The following CNTNAP5 variants were observed in gnomAD, a reference collection of about 807,000 sequenced individuals.
The protein encoded by CNTNAP5 is contactin-associated protein-like 5.
A neutral mutation model predicts 150.2 loss-of-function variants in CNTNAP5; 72 were observed. The ratio of observed to expected loss-of-function variants is 0.48; its 90% CI spans 0.40 to 0.58. The LOEUF is 0.58. CNTNAP5 is among the 20% of genes least tolerant of loss of function. The pLI is 0.00. For synonymous variants in CNTNAP5, 672 were observed against 619.8 expected (o/e 1.08, Z -1.25); for missense variants, 1,636 against 1,626.2 (o/e 1.01, Z -0.10).
At chr2:124,079,991 A>G (rs1682524883) in intron 1 of CNTNAP5, among the ~76,000 whole-genome samples, 1 of 152,350 alleles carries the variant, frequency 6.6e-6, no homozygotes, top group East Asian at 1.9e-4. Context: ...CTAGCACATT[A>G]GGATTACTCA....
At chr2:124,356,614 T>C (rs1293358891) in intron 3 of CNTNAP5, among the ~76,000 whole-genome samples, 2 of 152,088 alleles carry the variant, frequency 1.3e-5, no homozygotes, top group Non-Finnish European at 2.9e-5. Context: ...AATTCATCCA[T>C]GTCCCTACAA....
chr2:124,105,059 ACCT>A (rs984129619), intron 1 of CNTNAP5, among the ~76,000 whole-genome samples: 12 of 128,060 alleles, frequency 9.4e-5, no homozygotes, highest in African/African-American at 3.2e-4. Flanking sequence ...GCATATAAAG[ACCT>A]CCTCCCTCCT....
chr2:124,477,876 G>A (rs1036959024), intron 7 of CNTNAP5, among the ~76,000 whole-genome samples: 3 of 152,058 alleles, frequency 2.0e-5, no homozygotes, highest in East Asian at 3.9e-4. Flanking sequence ...AAATATTAAA[G>A]GGCATCACTA....
At chr2:124,870,129 T>A (rs1164735594) in intron 21 of CNTNAP5, among the ~76,000 whole-genome samples, 1 of 152,024 alleles carries the variant, frequency 6.6e-6, no homozygotes, top group Non-Finnish European at 1.5e-5. Context: ...TTAAAGGCAT[T>A]GTAATTTCCT....
At chr2:124,087,238 G>A (rs1257565957) in intron 1 of CNTNAP5, among the ~76,000 whole-genome samples, 1 of 151,798 alleles carries the variant, frequency 6.6e-6, no homozygotes, top group Admixed American at 6.6e-5. Flanking sequence ...AAAAACGAAA[G>A]CTTACTGAAT....
chr2:124,653,911 A>ACCCCCCCCCCCC (rs70996088), intron 13 of CNTNAP5, among the ~76,000 whole-genome samples: 13 of 57,492 alleles, frequency 2.3e-4, no homozygotes, highest in Admixed American at 6.4e-4. Flanking sequence ...ACTGCCCCCA[A>ACCCCCCCCCCCC]CCCCCCCCCC....
In CNTNAP5 at chr2:124,604,102, AT is replaced by A. The variant is rs1260705397; in HGVS notation, c.1757-5696del. ...TTTAGAGACAACTCTCTGTGCATTAATTTGCTTCTTGCACTTTCAGTGGTCC... is the reference window on the plus strand; with the variant it reads ...TTTAGAGACAACTCTCTGTGCATTAATTGCTTCTTGCACTTTCAGTGGTCC... On this transcript the variant is annotated intron_variant, in intron 11 of 23. Transcript: ENST00000682447. Among the ~76,000 whole-genome samples the A allele has an allele frequency of 2.0e-5, 3 of 151,986 alleles. No individual in the cohort carries two copies. The East Asian group carries it at 5.8e-4, about 29-fold the overall frequency.
chr2:124,485,164 A>G (rs575375329), intron 7 of CNTNAP5, among the ~76,000 whole-genome samples: 1 of 152,344 alleles, frequency 6.6e-6, no homozygotes, highest in South Asian at 2.1e-4. Flanking sequence ...GGTAACTAAT[A>G]AAACAGGTAA....
At chr2:124,469,322 C>A (rs546482126) in intron 6 of CNTNAP5, among the ~76,000 whole-genome samples, 1 of 152,194 alleles carries the variant, frequency 6.6e-6, no homozygotes, top group African/African-American at 2.4e-5. Flanking sequence ...AGCTTTTTTT[C>A]ATTCTGTTTT....
intron 13 of CNTNAP5, among the ~76,000 whole-genome samples, chr2:124,710,634 A>G (rs1679787787): frequency 6.6e-6 from 1 of 152,222 alleles, no homozygotes; most frequent in East Asian, 1.9e-4. Context: ...TCTTTCCTGG[A>G]CATTTTGCAG....
chr2:124,257,091 A>C (rs1457156145), intron 3 of CNTNAP5, among the ~76,000 whole-genome samples: 1 of 152,182 alleles, frequency 6.6e-6, no homozygotes. Context: ...AGAAGCTAGG[A>C]GAAGAAAAGG....
intron 7 of CNTNAP5, among the ~76,000 whole-genome samples, chr2:124,493,658 A>T (rs537266524): frequency 6.1e-4 from 93 of 152,186 alleles, no homozygotes; most frequent in African/African-American, 1.8e-3. Context: ...TTTTTAACTT[A>T]AAAGTACTTC....
At chr2:124,189,845 T>C (rs1279792753) in intron 1 of CNTNAP5, among the ~76,000 whole-genome samples, 1 of 152,154 alleles carries the variant, frequency 6.6e-6, no homozygotes, top group Non-Finnish European at 1.5e-5. Context: ...GGGATGAAGG[T>C]ATAGGAGACT....
At chr2:124,671,429 G>A (rs11123059) in intron 13 of CNTNAP5, among the ~76,000 whole-genome samples, 83,868 of 151,968 alleles carry the variant, frequency 0.55, 23,972 homozygotes, top group African/African-American at 0.64. Context: ...CTGTAAAATG[G>A]GGTTGTTGTG....
chr2:124,652,337 G>T (rs192413265), intron 13 of CNTNAP5, among the ~76,000 whole-genome samples: 33 of 152,226 alleles, frequency 2.2e-4, no homozygotes, highest in South Asian at 1.5e-3. Flanking sequence ...CAGAGCCCAG[G>T]GGGGGAGAAT....
At chr2:124,566,649 A>T (rs1696031667) in intron 11 of CNTNAP5, among the ~76,000 whole-genome samples, 1 of 152,242 alleles carries the variant, frequency 6.6e-6, no homozygotes, top group African/African-American at 2.4e-5. Flanking sequence ...GCCAGGACAA[A>T]TCAAAATCCC....
chr2:124,633,397 C>G (rs1384851022), intron 12 of CNTNAP5, among the ~76,000 whole-genome samples: 1 of 152,202 alleles, frequency 6.6e-6, no homozygotes, highest in Admixed American at 6.5e-5. Context: ...TGAAACTCAG[C>G]AGGGCAGTCA....
At chr2:124,646,381 T>A (rs1678202120) in intron 12 of CNTNAP5, among the ~76,000 whole-genome samples, 1 of 152,200 alleles carries the variant, frequency 6.6e-6, no homozygotes, top group Non-Finnish European at 1.5e-5. Flanking sequence ...TCATCATTAC[T>A]GTTTCATGGA....
chr2:124,489,050 C>A (rs1340450864), intron 7 of CNTNAP5, among the ~76,000 whole-genome samples: 7 of 152,322 alleles, frequency 4.6e-5, no homozygotes, highest in South Asian at 2.1e-4. Flanking sequence ...CTAGTGGAAT[C>A]CATTGTTTAA....
Sources: allele counts gnomAD v4.1 joint callset (sites outside exome capture counted in the v4.1 genomes callset), GRCh38; gene constraint gnomAD v4.1.1; transcripts MANE v1.5; gene names NCBI Gene and HGNC (gene_info 2026-07-23, HGNC 2026-07-21).